The following HHIP variants were observed in gnomAD, a reference collection of about 807,000 sequenced individuals.
HHIP encodes the protein hedgehog-interacting protein.
HHIP carries 12 observed loss-of-function variants against 74.0 expected under a neutral mutation model. That is an observed-to-expected ratio of 0.16 (90% CI 0.10 to 0.26). The LOEUF (loss-of-function observed/expected upper bound fraction) is 0.26. HHIP is among the 10% of genes least tolerant of loss of function. The pLI, the probability that HHIP is intolerant of heterozygous loss-of-function variation, is 1.00. For synonymous variants in HHIP, 309 were observed against 311.6 expected, an observed-to-expected ratio of 0.99 and a Z score of 0.09; for missense variants, 788 against 845.0, an observed-to-expected ratio of 0.93 and a Z score of 0.84.
chr4:144,647,517 A>G (rs1041651925), intron 1 of HHIP, among the ~76,000 whole-genome samples: 2 of 152,202 alleles, frequency 1.3e-5, no homozygotes, highest in African/African-American at 4.8e-5. Flanking sequence ...GACCTGAAAA[A>G]AACTGGCGAA....
intron 4 of HHIP, among the ~76,000 whole-genome samples, chr4:144,674,901 A>T (rs1389017101): frequency 6.6e-6 from 1 of 152,132 alleles, no homozygotes; most frequent in African/African-American, 2.4e-5. Flanking sequence ...TCTGCTAGAA[A>T]CTTGGTAGGG....
At chr4:144,696,665 A>G (rs567820867) in intron 4 of HHIP, among the ~76,000 whole-genome samples, 9 of 151,956 alleles carry the variant, frequency 5.9e-5, no homozygotes, top group Non-Finnish European at 1.2e-4. Flanking sequence ...CTTCTATTTA[A>G]GCATTTGGGG....
intron 4 of HHIP, among the ~76,000 whole-genome samples, chr4:144,665,569 A>G (rs1462113324): frequency 6.6e-6 from 1 of 152,240 alleles, no homozygotes; most frequent in Non-Finnish European, 1.5e-5. Context: ...TATTTTTCAT[A>G]AAGCCAAAAG....
intron 4 of HHIP, among the ~76,000 whole-genome samples, chr4:144,690,601 C>T (rs1360048863): frequency 6.6e-6 from 1 of 152,074 alleles, no homozygotes; most frequent in East Asian, 1.9e-4. Flanking sequence ...TGGAAAGACA[C>T]GAACATGAGA....
intron 4 of HHIP, among the ~76,000 whole-genome samples, chr4:144,661,548 G>C (rs1728714357): frequency 6.6e-6 from 1 of 152,124 alleles, no homozygotes; most frequent in Non-Finnish European, 1.5e-5. Context: ...TGAGTAATAA[G>C]ATCACATCCT....
intron 4 of HHIP, among the ~76,000 whole-genome samples, chr4:144,664,399 T>C (rs1425738705): frequency 6.6e-6 from 1 of 152,202 alleles, no homozygotes; most frequent in Non-Finnish European, 1.5e-5. Context: ...ACAAACATAA[T>C]TATGAGTATC....
chr4:144,683,304 G>A (rs993022350), intron 4 of HHIP, among the ~76,000 whole-genome samples: 1 of 152,050 alleles, frequency 6.6e-6, no homozygotes, highest in African/African-American at 2.4e-5. Context: ...ATTCACTTAA[G>A]TCTTAATTTT....
intron 4 of HHIP, among the ~76,000 whole-genome samples, chr4:144,694,334 G>T (rs979018395): frequency 1.2e-4 from 17 of 146,198 alleles, no homozygotes; most frequent in East Asian, 8.0e-4. Flanking sequence ...AACTATTGGG[G>T]TTTTTTTTTT....
Position 144,646,744 on chromosome 4 carries a change from T to G in HHIP, c.69T>G (p.Ala23=). Reference sequence around the variant, plus strand: ...CTCTGGGCTTCTTTGAAGGAGATGCTAAGTTTGGGGAAAGAAACGAAGGGA... The same window carrying G: ...CTCTGGGCTTCTTTGAAGGAGATGCGAAGTTTGGGGAAAGAAACGAAGGGA... ...AVALGFFEGD[A]KFGERNEGSG... The change falls in exon 1 of 13, where the codon GCT becomes GCG. Residue 23 remains alanine, a synonymous_variant. Transcript: ENST00000296575. The G allele has an allele frequency of 6.2e-7, 1 of 1,614,082 alleles. No individual in the cohort carries two copies. The highest frequency in any genetic ancestry group is 1.1e-5 in the South Asian group (1 of 91,072).
chr4:144,734,015 C>T (rs1731038321), intron 11 of HHIP, among the ~76,000 whole-genome samples: 2 of 151,768 alleles, frequency 1.3e-5, no homozygotes, highest in African/African-American at 4.8e-5. Context: ...TATAGCAGGA[C>T]AAAATCAAAT....
intron 4 of HHIP, among the ~76,000 whole-genome samples, chr4:144,702,158 A>G (rs997738010): frequency 6.6e-6 from 1 of 152,206 alleles, no homozygotes; most frequent in Non-Finnish European, 1.5e-5. Context: ...GTATAAAAAA[A>G]GAAAAGAAAA....
chr4:144,653,696 G>T lies in HHIP; in HGVS notation c.472+899G>T, dbSNP rs1316283110. Among the ~76,000 whole-genome samples the T allele has an allele frequency of 3.3e-5, 5 of 152,082 alleles. No homozygotes were observed. The South Asian group carries it at 6.2e-4, about 19-fold the overall frequency. ...TTAAGAACCGTAGAATGCACCAAGA[G>T]AATTTTTTTAAGTGCTATGTACATT... On this transcript the variant is annotated intron_variant, in intron 2 of 12. Transcript: ENST00000296575.
rs774584889 is a variant in HHIP at position 144,646,855 on chromosome 4, G to T, written c.180G>T (p.Glu60Asp). ...RRDRRMMSQL[E>D]LLSGGEMLCG... is the part of the protein sequence containing the mutation. ...ACAGGAGGATGATGTCCCAGCTGGA[G>T]CTGCTGAGTGGGGGAGAGATGCTGT... Residue 60 changes from glutamate (E) to aspartate (D), a missense_variant, in exon 1 of 13, where the codon GAG becomes GAT. Physicochemically the swap from Glu to Asp is conservative, Grantham distance 45. Around this residue, in one of 3 missense-constraint regions of HHIP, gnomAD observed 373 missense variants for 366.4 expected, o/e 1.02. Transcript: ENST00000296575. The T allele has an allele frequency of 3.7e-6, 6 of 1,614,136 alleles. No homozygotes were observed. Among genetic ancestry groups the T allele is most frequent in the Admixed American group, 1.7e-5 (1 of 60,008 alleles).
intron 11 of HHIP, among the ~76,000 whole-genome samples, chr4:144,719,904 C>A (rs928866257): frequency 6.6e-6 from 1 of 152,140 alleles, no homozygotes; most frequent in Non-Finnish European, 1.5e-5. Context: ...ACTAAGGGCA[C>A]TTTAAAATAT....
At chr4:144,708,008 G>A in intron 6 of HHIP, 160 bp from the exon 7 acceptor site, 1 of 712,936 alleles carries the variant, frequency 1.4e-6, no homozygotes, top group Non-Finnish European at 2.3e-6. Flanking sequence ...TTCCCAAAGT[G>A]CTGGGATTAC....
At chr4:144,667,398 G>A (rs1346157281) in intron 4 of HHIP, among the ~76,000 whole-genome samples, 4 of 152,060 alleles carry the variant, frequency 2.6e-5, no homozygotes, top group Admixed American at 6.6e-5. Flanking sequence ...TATAACTTAC[G>A]GGAAACTCAT....
At chr4:144,726,114 T>C (rs939081925) in intron 11 of HHIP, among the ~76,000 whole-genome samples, 2 of 152,208 alleles carry the variant, frequency 1.3e-5, no homozygotes, top group Non-Finnish European at 2.9e-5. Flanking sequence ...TCAATTATGG[T>C]TTATGAATTA....
intron 11 of HHIP, among the ~76,000 whole-genome samples, chr4:144,727,759 G>C (rs1730842727): frequency 6.6e-6 from 1 of 152,168 alleles, no homozygotes; most frequent in Admixed American, 6.5e-5. Flanking sequence ...AACCAAAGTT[G>C]ATACAGGATA....
At chr4:144,681,897 T>A (rs1364128396) in intron 4 of HHIP, among the ~76,000 whole-genome samples, 1 of 152,200 alleles carries the variant, frequency 6.6e-6, no homozygotes, top group Non-Finnish European at 1.5e-5. Context: ...TATAAAATTA[T>A]AAAACTTTTC....
Sources: gnomAD v4.1 joint callset for allele counts (sites outside exome capture counted in the v4.1 genomes callset) on GRCh38, gnomAD v4.1.1 for gene constraint, gnomAD v4.1.1 regional missense constraint, MANE v1.5 for transcripts, NCBI Gene and HGNC (gene_info 2026-07-23, HGNC 2026-07-21) for gene names.